Variants in DCLK1 observed in about 807,000 individuals in gnomAD.
The protein encoded by DCLK1 is doublecortin like kinase 1, also known as serine/threonine-protein kinase DCLK1.
Under a neutral mutation model 86.2 loss-of-function variants are expected in DCLK1, and 16 were observed. That is an observed-to-expected ratio of 0.19 (90% CI 0.13 to 0.28). The LOEUF (loss-of-function observed/expected upper bound fraction) is 0.28, where lower values mean the gene tolerates loss of function less well. Among genes scored for constraint, DCLK1 ranks in the 10% least tolerant of loss-of-function variants. DCLK1 has a pLI of 1.00. For synonymous variants in DCLK1, 369 were observed against 370.5 expected, an observed-to-expected ratio of 1.00 and a Z score of 0.05; for missense variants, 590 against 940.2, an observed-to-expected ratio of 0.63 and a Z score of 4.87.
intron 3 of DCLK1, among the ~76,000 whole-genome samples, chr13:35,955,404 G>A (rs987468743): frequency 8.5e-5 from 13 of 152,124 alleles, no homozygotes; most frequent in Admixed American, 3.3e-4. Flanking sequence ...TTAGCCTCAC[G>A]AGGTAGAAGG....
At chr13:36,030,340 A>T (rs1786868420) in intron 3 of DCLK1, among the ~76,000 whole-genome samples, 1 of 152,062 alleles carries the variant, frequency 6.6e-6, no homozygotes, top group African/African-American at 2.4e-5. Context: ...CTTGTTGCCC[A>T]GGCTGGAGTG....
intron 5 of DCLK1, among the ~76,000 whole-genome samples, chr13:35,860,631 G>A (rs1405659264): frequency 6.6e-6 from 1 of 152,128 alleles, no homozygotes; most frequent in Non-Finnish European, 1.5e-5. Context: ...AGGAAATTTA[G>A]GCAACAGCTC....
At chr13:35,989,547 C>T (rs911898116) in intron 3 of DCLK1, among the ~76,000 whole-genome samples, 6 of 152,106 alleles carry the variant, frequency 3.9e-5, no homozygotes, top group Admixed American at 1.3e-4. Flanking sequence ...GCTGGGATTA[C>T]AGGTGTATAA....
intron 10 of DCLK1, among the ~76,000 whole-genome samples, chr13:35,824,184 C>T (rs1024378038): frequency 1.1e-4 from 16 of 152,016 alleles, no homozygotes; most frequent in Non-Finnish European, 1.9e-4. Flanking sequence ...TTGTAATGTC[C>T]TTTTTAATAA....
intron 4 of DCLK1, among the ~76,000 whole-genome samples, chr13:35,915,323 T>C (rs1275016497): frequency 6.6e-6 from 1 of 152,324 alleles, no homozygotes; most frequent in Non-Finnish European, 1.5e-5. Flanking sequence ...CTTTAAATCA[T>C]AGCACCCTGA....
rs1192752540 is a variant in DCLK1, at chr13:36,113,742, A to G, written c.377-1527T>C. Among the ~76,000 whole-genome samples the G allele has an allele frequency of 3.3e-5, 5 of 152,284 alleles. No individual in the cohort carries two copies. The East Asian group carries it at 9.7e-4, about 30-fold the overall frequency. ...CTCATTAGGTTTTTCTGAAGATCAA[A>G]TTAGAAGATAGAGATCAAAGTGATC... is the stretch of plus-strand genomic sequence containing the variant. On this transcript the variant is annotated intron_variant, in intron 2 of 16. Coordinates refer to ENST00000360631, the MANE Select transcript of DCLK1 (RefSeq NM_001330071.2).
chr13:35,898,665 G>A (rs1271193641), intron 4 of DCLK1, among the ~76,000 whole-genome samples: 1 of 152,156 alleles, frequency 6.6e-6, no homozygotes, highest in Non-Finnish European at 1.5e-5. Flanking sequence ...TGGTTGGTGT[G>A]ACCATGGCTG....
intron 2 of DCLK1, among the ~76,000 whole-genome samples, chr13:36,113,002 A>G (rs1483725549): frequency 6.6e-6 from 1 of 152,220 alleles, no homozygotes; most frequent in South Asian, 2.1e-4. Flanking sequence ...AGAGACAACA[A>G]ATTGTAAAAT....
chr13:36,031,513 T>G (rs1203924975), intron 3 of DCLK1, among the ~76,000 whole-genome samples: 1 of 152,226 alleles, frequency 6.6e-6, no homozygotes, highest in African/African-American at 2.4e-5. Context: ...AAATGCGATT[T>G]TAAAAGATCA....
At chr13:36,073,748 T>C (rs547870913) in intron 3 of DCLK1, among the ~76,000 whole-genome samples, 10 of 152,208 alleles carry the variant, frequency 6.6e-5, no homozygotes, top group African/African-American at 2.4e-4. Context: ...TAACACTTAT[T>C]TGAAAAATGA....
At chr13:35,920,981 C>T (rs534875694) in intron 4 of DCLK1, among the ~76,000 whole-genome samples, 1 of 152,278 alleles carries the variant, frequency 6.6e-6, no homozygotes, top group South Asian at 2.1e-4. Flanking sequence ...CCCTGCCCCC[C>T]ACGGCCAACA....
chr13:35,958,131 A>ACTGTAACCATCAACACCATCACTG (rs1555352807), intron 3 of DCLK1, among the ~76,000 whole-genome samples: 1 of 49,692 alleles, frequency 2.0e-5, no homozygotes, highest in Non-Finnish European at 5.2e-5. Context: ...CACTACCACT[A>ACTGTAACCATCAACACCATCACTG]CTATAACCAC....
At chr13:35,816,532 T>C (rs966271972) in intron 11 of DCLK1, among the ~76,000 whole-genome samples, 2 of 152,188 alleles carry the variant, frequency 1.3e-5, no homozygotes, top group Non-Finnish European at 2.9e-5. Flanking sequence ...TGATGAAGAC[T>C]TCATGTGCAT....
intron 3 of DCLK1, among the ~76,000 whole-genome samples, chr13:35,995,159 A>G (rs1348279431): frequency 1.3e-5 from 2 of 152,194 alleles, no homozygotes; most frequent in Non-Finnish European, 2.9e-5. Flanking sequence ...TGCTCCAAGA[A>G]GAGACAAAGC....
chr13:36,108,827 T>G (rs1885504497), intron 3 of DCLK1, among the ~76,000 whole-genome samples: 1 of 152,184 alleles, frequency 6.6e-6, no homozygotes, highest in Non-Finnish European at 1.5e-5. Flanking sequence ...GGACAAGTAA[T>G]CTTAGGGTGG....
intron 3 of DCLK1, among the ~76,000 whole-genome samples, chr13:36,034,537 A>T (rs1882415018): frequency 6.6e-6 from 1 of 152,224 alleles, no homozygotes; most frequent in South Asian, 2.1e-4. Context: ...GCTTTAAATT[A>T]AAAAATTAGC....
intron 3 of DCLK1, among the ~76,000 whole-genome samples, chr13:36,037,029 A>T (rs915798873): frequency 6.6e-6 from 1 of 151,720 alleles, no homozygotes; most frequent in African/African-American, 2.4e-5. Flanking sequence ...TATATATATC[A>T]CACACACACA....
At chr13:35,928,129 G>A (rs756925679) in intron 4 of DCLK1, among the ~76,000 whole-genome samples, 12 of 152,356 alleles carry the variant, frequency 7.9e-5, no homozygotes, top group Admixed American at 6.5e-4. Context: ...ATTCGAGGGA[G>A]CTGTGGGAAT....
At chr13:35,829,352 C>G (rs576919274) in intron 8 of DCLK1, among the ~76,000 whole-genome samples, 15 of 152,280 alleles carry the variant, frequency 9.9e-5, no homozygotes, top group African/African-American at 3.1e-4. Context: ...ACAAGCATTG[C>G]TGTTTTATTT....
Sources: allele counts gnomAD v4.1 joint callset (sites outside exome capture counted in the v4.1 genomes callset), GRCh38; gene constraint gnomAD v4.1.1; transcripts MANE v1.5; gene names NCBI Gene and HGNC (gene_info 2026-07-23, HGNC 2026-07-21).